Variants in ACYP2 observed in about 807,000 individuals in gnomAD.
The protein encoded by ACYP2 is acylphosphatase 2, also known as acylphosphatase-2.
A neutral mutation model predicts 11.2 loss-of-function variants in ACYP2; 12 were observed. The observed-to-expected ratio is 1.08, with a 90% CI of 0.69 to 1.74. The LOEUF is 1.74. Ranked by LOEUF, ACYP2 falls within the 40% of genes most tolerant of loss-of-function variation. The probability of loss-of-function intolerance (pLI) is 0.00; values close to 1 mark genes in which losing one functional copy is unlikely to be tolerated. For missense variants in ACYP2, 134 were observed against 101.9 expected (o/e 1.31, Z -1.35); for synonymous variants, 43 against 32.2 (o/e 1.33, Z -1.13).
chr2:54,123,246 A>C (rs1249002530), intron 4 of ACYP2: 1 of 397,710 alleles, frequency 2.5e-6, no homozygotes, highest in Non-Finnish European at 4.4e-6. Flanking sequence ...TCTCCTGCAG[A>C]AATAAGTTAT....
chr2:54,066,393 T>C (rs535439052), intron 4 of ACYP2, among the ~76,000 whole-genome samples: 3 of 152,364 alleles, frequency 2.0e-5, no homozygotes, highest in South Asian at 4.1e-4. Flanking sequence ...TTAAACCTGT[T>C]TCCTTTATAA....
chr2:54,147,940 A>T (rs1490228493), intron 6 of ACYP2, among the ~76,000 whole-genome samples: 1 of 152,072 alleles, frequency 6.6e-6, no homozygotes, highest in Non-Finnish European at 1.5e-5. Context: ...AAATGGATAT[A>T]AAAAAAGGGT....
intron 6 of ACYP2, among the ~76,000 whole-genome samples, chr2:54,189,677 A>G (rs1394551228): frequency 1.3e-5 from 2 of 152,150 alleles, no homozygotes; most frequent in African/African-American, 4.8e-5. Flanking sequence ...ATGAGAGTGC[A>G]GATATCTTTA....
intron 4 of ACYP2, among the ~76,000 whole-genome samples, chr2:54,132,051 C>T (rs1160446467): frequency 2.0e-5 from 3 of 152,194 alleles, no homozygotes; most frequent in Non-Finnish European, 1.5e-5. Context: ...AATATTCTGG[C>T]CTGTTAGCGG....
intron 6 of ACYP2, chr2:54,267,451 G>T: frequency 7.9e-7 from 1 of 1,264,488 alleles, no homozygotes; most frequent in Non-Finnish European, 1.1e-6. Context: ...GGAATTGGGA[G>T]CTGGGGGAAG....
At chr2:54,200,071 C>A (rs368092673) in intron 6 of ACYP2, among the ~76,000 whole-genome samples, 1 of 152,146 alleles carries the variant, frequency 6.6e-6, no homozygotes, top group Non-Finnish European at 1.5e-5. Flanking sequence ...GAAAGGATAT[C>A]TTTATACAGC....
intron 6 of ACYP2, among the ~76,000 whole-genome samples, 156 bp downstream of exon 3, chr2:54,138,904 C>T (rs751815091): frequency 7.2e-5 from 11 of 152,182 alleles, no homozygotes; most frequent in African/African-American, 1.2e-4. Context: ...ATCTCCCCGA[C>T]TCAGCCTCCC....
intron 6 of ACYP2, among the ~76,000 whole-genome samples, chr2:54,221,368 TTTCA>T (rs1685795076): frequency 1.3e-5 from 2 of 152,316 alleles, no homozygotes; most frequent in South Asian, 4.1e-4. Flanking sequence ...ATCTATATAT[TTTCA>T]TTAAGAAAAA....
chr2:54,228,257 A>G (rs1686089838), intron 6 of ACYP2, among the ~76,000 whole-genome samples: 1 of 152,258 alleles, frequency 6.6e-6, no homozygotes, highest in African/African-American at 2.4e-5. Flanking sequence ...ATCATTGAGC[A>G]AAGGTCTAAA....
In ACYP2 at chr2:54,138,673, T is replaced by C. The variant is rs200268061; in HGVS notation, c.329T>C (p.Val110Ala). 101 of 1,614,124 alleles carry C rather than the reference T, an allele frequency of 6.3e-5. 1 individual carries two copies. The South Asian group carries it at 9.9e-4, about 16-fold the overall frequency. ...GATGAAGCTAGGAAAATAGGAGTGG[T>C]TGGCTGGGTGAAGAATACCAGCAAA... Residue 110 changes from valine to alanine, a missense_variant, in exon 6 of 7, where the codon GTT becomes GCT. Val to Ala is a moderately conservative substitution (Grantham distance 64). Coordinates refer to ENST00000607452, the MANE Select transcript of ACYP2 (RefSeq NM_001320586.2).
intron 2 of ACYP2, among the ~76,000 whole-genome samples, chr2:53,998,427 G>A (rs1026816831): frequency 6.6e-6 from 1 of 152,170 alleles, no homozygotes; most frequent in Non-Finnish European, 1.5e-5. Context: ...AGTGAAAGAG[G>A]ATGATTAATA....
chr2:54,011,251 G>A (rs1445823079), intron 2 of ACYP2, among the ~76,000 whole-genome samples: 1 of 152,044 alleles, frequency 6.6e-6, no homozygotes, highest in Non-Finnish European at 1.5e-5. Context: ...TCAGTCCCGG[G>A]AGCTCCTTTT....
intron 4 of ACYP2, among the ~76,000 whole-genome samples, chr2:54,081,716 G>A (rs145225730): frequency 1.6e-3 from 246 of 152,298 alleles, no homozygotes; most frequent in Middle Eastern, 3.4e-3. Flanking sequence ...TTTTCATTAG[G>A]TATCTGCTTT....
At chr2:54,137,726 A>G (rs962571409) in intron 5 of ACYP2, among the ~76,000 whole-genome samples, 1 of 152,188 alleles carries the variant, frequency 6.6e-6, no homozygotes, top group Non-Finnish European at 1.5e-5. Flanking sequence ...TATTGTGAAT[A>G]CTGCTGTAGT....
chr2:53,983,604 G>T (rs1433655832), intron 2 of ACYP2, among the ~76,000 whole-genome samples: 7 of 152,162 alleles, frequency 4.6e-5, no homozygotes, highest in Non-Finnish European at 1.0e-4. Flanking sequence ...TAGGGAGCGA[G>T]ATTAAGAATA....
chr2:54,141,382 A>T (rs1031977205), intron 6 of ACYP2, among the ~76,000 whole-genome samples: 3 of 152,058 alleles, frequency 2.0e-5, no homozygotes, highest in African/African-American at 4.8e-5. Context: ...TTCTAACTTG[A>T]TGCTCTATTT....
chr2:53,980,105 G>C lies in ACYP2; in HGVS notation c.62+6295G>C, dbSNP rs138609737. Among the ~76,000 whole-genome samples, 693 of 152,288 alleles carry C rather than the reference G, an allele frequency of 4.6e-3. 9 individuals carry two copies. The highest frequency in any genetic ancestry group is 0.016 in the African/African-American group (663 of 41,572). On this transcript the variant is annotated intron_variant, in intron 2 of 6. Transcript: ENST00000607452. ...CATCTCTAATCCCAGCAGTTTGTGA[G>C]GCCAAGGCAGGAGGATCACTTGAGC... is the stretch of plus-strand genomic sequence containing the variant.
At chr2:54,195,800 T>TTTTTTTTG (rs1684448344) in intron 6 of ACYP2, among the ~76,000 whole-genome samples, 1 of 135,462 alleles carries the variant, frequency 7.4e-6, no homozygotes, top group Non-Finnish European at 1.6e-5. Flanking sequence ...GTGGGTTTTT[T>TTTTTTTTG]TTTTTTTTTT....
At chr2:54,236,927 A>G (rs1342084035) in intron 6 of ACYP2, among the ~76,000 whole-genome samples, 1 of 152,206 alleles carries the variant, frequency 6.6e-6, no homozygotes, top group East Asian at 1.9e-4. Context: ...GTCCCTCCAT[A>G]TCCATAGGTT....
Sources: allele counts gnomAD v4.1 joint callset (sites outside exome capture counted in the v4.1 genomes callset), GRCh38; gene constraint gnomAD v4.1.1; transcripts MANE v1.5; gene names NCBI Gene and HGNC (gene_info 2026-07-23, HGNC 2026-07-21).